The following USH2A variants were observed in gnomAD, a reference collection of about 807,000 sequenced individuals.
The protein encoded by USH2A is usherin, also known as Usher syndrome 2A (autosomal recessive, mild).
Under a neutral mutation model 538.9 loss-of-function variants are expected in USH2A, and 443 were observed. The observed-to-expected ratio is 0.82, with a 90% CI of 0.76 to 0.89. The LOEUF (loss-of-function observed/expected upper bound fraction) is 0.89, where lower values mean the gene tolerates loss of function less well. Ranked by LOEUF, USH2A falls within the 40% of genes least tolerant of loss-of-function variation. USH2A has a pLI of 0.00. For missense variants in USH2A, 6,633 were observed against 6,324.8 expected, an observed-to-expected ratio of 1.05 and a Z score of -1.65; for synonymous variants, 2,413 against 2,273.5, an observed-to-expected ratio of 1.06 and a Z score of -1.75.
chr1:216,008,507 G>A (rs1234586341), intron 32 of USH2A, among the ~76,000 whole-genome samples: 2 of 152,108 alleles, frequency 1.3e-5, no homozygotes, highest in African/African-American at 4.8e-5. Context: ...CAGCCATGTT[G>A]CTCACACAAA....
chr1:216,046,804 T>C (rs1259536290), intron 31 of USH2A, among the ~76,000 whole-genome samples: 2 of 152,024 alleles, frequency 1.3e-5, no homozygotes, highest in Admixed American at 6.6e-5. Context: ...GGATGAGGAG[T>C]ACTTACACTA....
intron 27 of USH2A, 123 bp downstream of exon 27, chr1:216,077,966 A>G (rs1283168501): frequency 8.2e-7 from 1 of 1,213,748 alleles, no homozygotes; most frequent in African/African-American, 1.5e-5. Context: ...TCTCCAGAAA[A>G]AGAGATGCTG....
intron 30 of USH2A, among the ~76,000 whole-genome samples, chr1:216,059,128 T>G (rs905610223): frequency 2.0e-5 from 3 of 152,088 alleles, no homozygotes; most frequent in East Asian, 3.9e-4. Context: ...AATACATATA[T>G]AGAGAGAGAG....
intron 56 of USH2A, among the ~76,000 whole-genome samples, chr1:215,761,911 T>G (rs1660992792): frequency 6.6e-6 from 1 of 152,176 alleles, no homozygotes; most frequent in Non-Finnish European, 1.5e-5. Flanking sequence ...CAATAGCTTT[T>G]GCTTGATTGT....
intron 21 of USH2A, among the ~76,000 whole-genome samples, chr1:216,139,433 A>G (rs1273483438): frequency 1.3e-5 from 2 of 152,078 alleles, no homozygotes; most frequent in South Asian, 2.1e-4. Context: ...AAGAAAAAAA[A>G]AAAAGAAAAA....
intron 11 of USH2A, among the ~76,000 whole-genome samples, chr1:216,267,873 A>G (rs1420970760): frequency 6.6e-6 from 1 of 152,164 alleles, no homozygotes; most frequent in Non-Finnish European, 1.5e-5. Flanking sequence ...TACATGTAGT[A>G]GATGCTCAGC....
At chr1:216,267,510 A>G (rs907564075) in intron 11 of USH2A, among the ~76,000 whole-genome samples, 10 of 152,124 alleles carry the variant, frequency 6.6e-5, no homozygotes, top group African/African-American at 2.4e-4. Context: ...TGTCCACAAG[A>G]TGAAATGAAT....
chr1:216,262,881 A>G (rs2036401373), intron 11 of USH2A, among the ~76,000 whole-genome samples: 1 of 152,024 alleles, frequency 6.6e-6, no homozygotes, highest in Admixed American at 6.6e-5. Flanking sequence ...ATATTGACAA[A>G]CCATTAGCTA....
intron 33 of USH2A, 103 bp from the exon 34 acceptor site, chr1:215,999,161 A>T (rs568130483): frequency 1.0e-6 from 1 of 990,766 alleles, no homozygotes; most frequent in East Asian, 2.4e-5. Context: ...ACACTTTTTT[A>T]AAAAACATAA....
At chr1:215,697,648 A>T (rs997101974) in intron 61 of USH2A, among the ~76,000 whole-genome samples, 1 of 151,852 alleles carries the variant, frequency 6.6e-6, no homozygotes. Flanking sequence ...CAGCCTCCCG[A>T]GTATCTGGGA....
chr1:216,050,591 T>TC (rs1553294790), intron 30 of USH2A, among the ~76,000 whole-genome samples: 3 of 80,662 alleles, frequency 3.7e-5, no homozygotes, highest in Admixed American at 1.5e-4. Flanking sequence ...TTTCTTTCTT[T>TC]CTTTCTTTCT....
At chr1:216,135,977 T>C (rs301743) in intron 21 of USH2A, among the ~76,000 whole-genome samples, 136,302 of 151,992 alleles carry the variant, frequency 0.9, 61,389 homozygotes, top group East Asian at 0.98. Flanking sequence ...GTCTACCATC[T>C]TAAGTATTTT....
chr1:215,864,110 T>C (rs142206941), intron 44 of USH2A, among the ~76,000 whole-genome samples: 1 of 152,324 alleles, frequency 6.6e-6, no homozygotes, highest in African/African-American at 2.4e-5. Context: ...AGGCATTTTC[T>C]TATTTTGCCT....
intron 13 of USH2A, among the ~76,000 whole-genome samples, chr1:216,234,168 C>G (rs143344667): frequency 6.6e-6 from 1 of 152,236 alleles, no homozygotes; most frequent in East Asian, 1.9e-4. Flanking sequence ...AAAACTCATT[C>G]CAGGCTCTTG....
At chr1:215,959,743 G>T (rs1558182820) in intron 37 of USH2A, among the ~76,000 whole-genome samples, 1 of 152,176 alleles carries the variant, frequency 6.6e-6, no homozygotes, top group East Asian at 1.9e-4. Context: ...TTAGGAGAAA[G>T]AGACATTTGA....
intron 21 of USH2A, among the ~76,000 whole-genome samples, chr1:216,129,514 C>G (rs2033324632): frequency 2.0e-5 from 3 of 151,642 alleles, no homozygotes; most frequent in Admixed American, 2.0e-4. Flanking sequence ...AGTGAAAAAT[C>G]TCTAAAATAA....
At chr1:216,334,455 G>A (rs1405241812) in intron 4 of USH2A, among the ~76,000 whole-genome samples, 2 of 152,026 alleles carry the variant, frequency 1.3e-5, no homozygotes, top group Non-Finnish European at 2.9e-5. Flanking sequence ...CAACAGCAAA[G>A]TGACATTGTA....
chr1:215,992,537 T>G (rs1455830011), intron 35 of USH2A, among the ~76,000 whole-genome samples: 1 of 152,188 alleles, frequency 6.6e-6, no homozygotes, highest in Non-Finnish European at 1.5e-5. Context: ...AAAAACAGCA[T>G]GTTGAAATAT....
At chr1:215,751,749 A>G (rs1660628422) in intron 58 of USH2A, among the ~76,000 whole-genome samples, 1 of 152,164 alleles carries the variant, frequency 6.6e-6, no homozygotes, top group Non-Finnish European at 1.5e-5. Flanking sequence ...GGTGAGAGGG[A>G]ATGCTTAGGA....
Sources: gnomAD v4.1 joint callset for allele counts (sites outside exome capture counted in the v4.1 genomes callset) on GRCh38, gnomAD v4.1.1 for gene constraint, MANE v1.5 for transcripts, NCBI Gene and HGNC (gene_info 2026-07-23, HGNC 2026-07-21) for gene names.